Variants in MAP3K5 observed in about 807,000 individuals in gnomAD.
MAP3K5 encodes the protein ASK-1.
MAP3K5 carries 56 observed loss-of-function variants against 158.7 expected under a neutral mutation model. That is an observed-to-expected ratio of 0.35 (90% CI 0.28 to 0.44). The LOEUF is 0.44. Ranked by LOEUF, MAP3K5 falls within the 20% of genes least tolerant of loss-of-function variation. The pLI is 1.00. For synonymous variants in MAP3K5, 579 were observed against 601.7 expected, an observed-to-expected ratio of 0.96 and a Z score of 0.55; for missense variants, 1,294 against 1,674.8, an observed-to-expected ratio of 0.77 and a Z score of 3.97.
chr6:136,740,363 T>A (rs1782659777), intron 1 of MAP3K5, among the ~76,000 whole-genome samples: 1 of 152,208 alleles, frequency 6.6e-6, no homozygotes, highest in South Asian at 2.1e-4. Context: ...CAAGGGCTGA[T>A]CTTTGTCTTC....
intron 1 of MAP3K5, among the ~76,000 whole-genome samples, chr6:136,751,147 C>T (rs1227052966): frequency 3.3e-5 from 4 of 121,586 alleles, no homozygotes; most frequent in Admixed American, 8.0e-5. Context: ...TGGGCTCTGG[C>T]TGCTTTTTTT....
At chr6:136,733,935 A>T (rs970940315) in intron 1 of MAP3K5, among the ~76,000 whole-genome samples, 2 of 152,244 alleles carry the variant, frequency 1.3e-5, no homozygotes, top group Non-Finnish European at 1.5e-5. Context: ...GTATGAGACC[A>T]TAACACCCTA....
chr6:136,647,358 A>G (rs1778308872), intron 11 of MAP3K5, among the ~76,000 whole-genome samples: 1 of 152,222 alleles, frequency 6.6e-6, no homozygotes, highest in South Asian at 2.1e-4. Flanking sequence ...TTTTACATAC[A>G]TGGCAACTAA....
chr6:136,758,484 C>T (rs1375447204), intron 1 of MAP3K5, among the ~76,000 whole-genome samples: 1 of 152,218 alleles, frequency 6.6e-6, no homozygotes, highest in Admixed American at 6.5e-5. Context: ...ATATATCTTT[C>T]GTTTCCCATT....
At chr6:136,736,902 C>T (rs866103195) in intron 1 of MAP3K5, among the ~76,000 whole-genome samples, 74 of 151,750 alleles carry the variant, frequency 4.9e-4, no homozygotes, top group Middle Eastern at 6.8e-3. Context: ...GGTCTCAAAC[C>T]CCTGGACTCA....
At chr6:136,691,428 T>C (rs1460027246) in intron 7 of MAP3K5, among the ~76,000 whole-genome samples, 3 of 152,052 alleles carry the variant, frequency 2.0e-5, no homozygotes, top group Non-Finnish European at 2.9e-5. Context: ...CTGGACAACA[T>C]GGGGAAACCC....
At chr6:136,762,436 T>C (rs1293079751) in intron 1 of MAP3K5, among the ~76,000 whole-genome samples, 1 of 152,180 alleles carries the variant, frequency 6.6e-6, no homozygotes, top group African/African-American at 2.4e-5. Flanking sequence ...CCCTCAGGTG[T>C]TCCATGGACA....
intron 21 of MAP3K5, among the ~76,000 whole-genome samples, chr6:136,600,188 T>C (rs1775811828): frequency 9.2e-6 from 1 of 108,638 alleles, no homozygotes; most frequent in South Asian, 2.6e-4. Flanking sequence ...ATGCTGTTAA[T>C]TTTTTTTTTT....
chr6:136,757,690 G>A (rs374173398), intron 1 of MAP3K5, among the ~76,000 whole-genome samples: 5 of 149,866 alleles, frequency 3.3e-5, no homozygotes, highest in African/African-American at 7.4e-5. Flanking sequence ...TGGTTCAAGC[G>A]ATTCTCCTAC....
At chr6:136,621,903 G>A (rs1776820955) in intron 15 of MAP3K5, among the ~76,000 whole-genome samples, 1 of 152,008 alleles carries the variant, frequency 6.6e-6, no homozygotes, top group African/African-American at 2.4e-5. Context: ...TGGTTAACAC[G>A]GTGAAACCGC....
At chr6:136,635,560 TA>T (rs1777584000) in intron 14 of MAP3K5, among the ~76,000 whole-genome samples, 1 of 152,002 alleles carries the variant, frequency 6.6e-6, no homozygotes. Context: ...AATTGCTAGA[TA>T]ATCATAGAAC....
chr6:136,656,014 A>C (rs1246737161), intron 10 of MAP3K5, among the ~76,000 whole-genome samples: 2 of 152,172 alleles, frequency 1.3e-5, no homozygotes, highest in Non-Finnish European at 2.9e-5. Flanking sequence ...GCTGGCATGA[A>C]GCTAAGCCAA....
intron 14 of MAP3K5, among the ~76,000 whole-genome samples, chr6:136,629,486 G>A (rs577971872): frequency 9.2e-5 from 14 of 151,740 alleles, no homozygotes; most frequent in South Asian, 4.2e-4. Flanking sequence ...AAGGAGTCAC[G>A]CTCTGTCGCC....
intron 7 of MAP3K5, among the ~76,000 whole-genome samples, chr6:136,682,676 A>G (rs1290338568): frequency 6.6e-6 from 1 of 152,230 alleles, no homozygotes; most frequent in African/African-American, 2.4e-5. Context: ...TTGGCATTAT[A>G]ACAAGAAAGA....
chr6:136,616,702 CGAT>C (rs113611680), intron 15 of MAP3K5, among the ~76,000 whole-genome samples: 2,781 of 151,166 alleles, frequency 0.018, 28 homozygotes, highest in Non-Finnish European at 0.03. Flanking sequence ...TCAAGTAACT[CGAT>C]GATGATGATG....
intron 7 of MAP3K5, among the ~76,000 whole-genome samples, chr6:136,683,424 A>G (rs749322451): frequency 1.2e-4 from 18 of 152,222 alleles, no homozygotes; most frequent in Non-Finnish European, 2.1e-4. Flanking sequence ...AATCCCGAGT[A>G]GGGGCAGCCC....
intron 10 of MAP3K5, among the ~76,000 whole-genome samples, chr6:136,654,637 G>C (rs1237664596): frequency 6.6e-6 from 1 of 152,008 alleles, no homozygotes; most frequent in Admixed American, 6.6e-5. Flanking sequence ...GTAGAGACAG[G>C]GTTTCTCCAT....
At chr6:136,665,506 C>T (rs775569275) in intron 8 of MAP3K5, among the ~76,000 whole-genome samples, 9 of 152,026 alleles carry the variant, frequency 5.9e-5, no homozygotes, top group Admixed American at 5.2e-4. Flanking sequence ...GCCACCACAC[C>T]GGGCTAATTT....
At chr6:136,584,661 T>C (rs551344528) in intron 23 of MAP3K5, among the ~76,000 whole-genome samples, 2 of 152,174 alleles carry the variant, frequency 1.3e-5, no homozygotes, top group African/African-American at 4.8e-5. Flanking sequence ...CAAGATGAGA[T>C]TTGAGTGGGG....
Sources: gnomAD v4.1 joint callset for allele counts (sites outside exome capture counted in the v4.1 genomes callset) on GRCh38, gnomAD v4.1.1 for gene constraint, MANE v1.5 for transcripts, NCBI Gene and HGNC (gene_info 2026-07-23, HGNC 2026-07-21) for gene names.